The following MAPK4 variants were observed in gnomAD, a reference collection of about 807,000 sequenced individuals.
MAPK4 encodes the protein Erk3-related.
In MAPK4, 22 loss-of-function variants were observed where a neutral mutation model predicts 47.7. The ratio of observed to expected loss-of-function variants is 0.46; its 90% CI spans 0.33 to 0.66. MAPK4 has a LOEUF of 0.66. MAPK4 is among the 30% of genes least tolerant of loss of function. MAPK4 has a pLI of 0.02. For missense variants in MAPK4, 736 were observed against 831.7 expected (o/e 0.88, Z 1.42); for synonymous variants, 390 against 365.7 (o/e 1.07, Z -0.76).
At chr18:50,680,771 T>C (rs1343656001) in intron 2 of MAPK4, among the ~76,000 whole-genome samples, 1 of 152,262 alleles carries the variant, frequency 6.6e-6, no homozygotes, top group Non-Finnish European at 1.5e-5. Flanking sequence ...TTCATTTCTT[T>C]TTATTGCCAA....
chr18:50,729,852 T>C lies in MAPK4; in HGVS notation c.1762T>C (p.Ter588ArgextTer40), dbSNP rs1911457190. 3.1e-6 allele frequency: 5 copies of C among 1,608,662 alleles called. No individual in the cohort carries two copies. The highest frequency in any genetic ancestry group is 1.7e-4 in the Middle Eastern group (1 of 6,036). The change falls in exon 6 of 6, where the codon TGA becomes CGA. Residue 588 changes from the stop codon to arginine (R), a stop_lost. Transcript: ENST00000400384. ...CGAGGCCTTCTCCAAAGAAAGGTGG[T>C]GAGGGCGGAGGGGCCGCTCCAGGCC... ...QTEAFSKERW* is the reference protein window; with the variant it reads ...QTEAFSKERWR
intron 3 of MAPK4, among the ~76,000 whole-genome samples, 164 bp from the exon 4 acceptor site, chr18:50,721,774 T>C (rs2144469953): frequency 6.6e-6 from 1 of 152,340 alleles, no homozygotes; most frequent in East Asian, 1.9e-4. Flanking sequence ...GTCAGCCACC[T>C]GCCCACAGTT....
chr18:50,676,949 T>C (rs1226230425), intron 2 of MAPK4, among the ~76,000 whole-genome samples: 2 of 152,230 alleles, frequency 1.3e-5, no homozygotes, highest in Non-Finnish European at 2.9e-5. Context: ...GGACCAGGAC[T>C]GTCTGTGGCC....
chr18:50,604,819 G>C (rs1457029358), intron 1 of MAPK4, among the ~76,000 whole-genome samples: 1 of 152,236 alleles, frequency 6.6e-6, no homozygotes, highest in Non-Finnish European at 1.5e-5. Context: ...GCCTGGAGCA[G>C]GGGGCTTTGC....
At position 50,702,174 on chromosome 18, in the gene MAPK4, A is replaced by C. The variant is rs938966645; in HGVS notation, c.547-12905A>C. 5.5e-3 allele frequency among the ~76,000 whole-genome samples: 841 copies of C among 151,628 alleles called. 10 individuals are homozygous for C. The highest frequency in any genetic ancestry group is 0.019 in the African/African-American group (804 of 41,342). On this transcript the variant is annotated intron_variant, in intron 2 of 5. Transcript: ENST00000400384. ...GAGATTCTGTCTCAAAAAAAAAAAA[A>C]AAAAAAAAATCAACCATTCTAAAGT...
At chr18:50,719,615 C>A (rs1352569062) in intron 3 of MAPK4, among the ~76,000 whole-genome samples, 1 of 152,154 alleles carries the variant, frequency 6.6e-6, no homozygotes, top group Non-Finnish European at 1.5e-5. Flanking sequence ...GTCATAGGTG[C>A]CTGGCTGCCT....
At chr18:50,653,919 G>A (rs906279820) in intron 1 of MAPK4, among the ~76,000 whole-genome samples, 2 of 152,164 alleles carry the variant, frequency 1.3e-5, no homozygotes, top group Non-Finnish European at 2.9e-5. Context: ...CAAGGCCACC[G>A]ATGCACATGG....
intron 1 of MAPK4, among the ~76,000 whole-genome samples, chr18:50,564,311 G>A (rs1404851531): frequency 6.6e-6 from 1 of 152,224 alleles, no homozygotes. Flanking sequence ...TTATGGGCCA[G>A]ATAATTTTTT....
chr18:50,711,600 C>T (rs1240311827), intron 2 of MAPK4, among the ~76,000 whole-genome samples: 2 of 152,244 alleles, frequency 1.3e-5, no homozygotes, highest in East Asian at 3.9e-4. Flanking sequence ...TGCTGTCCTG[C>T]TCACTCCCTC....
chr18:50,693,995 C>A (rs866474668), intron 2 of MAPK4, among the ~76,000 whole-genome samples: 11 of 152,204 alleles, frequency 7.2e-5, no homozygotes, highest in African/African-American at 2.7e-4. Context: ...AGAGAAGGCT[C>A]ATGCACAGGG....
intron 3 of MAPK4, among the ~76,000 whole-genome samples, chr18:50,715,552 G>A (rs559423789): frequency 6.6e-6 from 1 of 152,274 alleles, no homozygotes; most frequent in East Asian, 1.9e-4. Context: ...CCTTTGGAAG[G>A]TGATTAGGTC....
chr18:50,618,876 A>G (rs2042707098), intron 1 of MAPK4, among the ~76,000 whole-genome samples: 1 of 152,182 alleles, frequency 6.6e-6, no homozygotes, highest in Non-Finnish European at 1.5e-5. Flanking sequence ...TGTGCCCCCG[A>G]GAATACTATC....
At chr18:50,696,930 A>T (rs1400821083) in intron 2 of MAPK4, among the ~76,000 whole-genome samples, 1 of 152,032 alleles carries the variant, frequency 6.6e-6, no homozygotes, top group South Asian at 2.1e-4. Flanking sequence ...GTGGGGCCTG[A>T]AAGAGGCAGG....
intron 2 of MAPK4, among the ~76,000 whole-genome samples, chr18:50,713,565 A>C (rs1187333891): frequency 6.6e-6 from 1 of 152,226 alleles, no homozygotes; most frequent in Non-Finnish European, 1.5e-5. Context: ...GGCTATGCGC[A>C]GTAGCTGCAT....
In MAPK4 at chr18:50,632,616, ATTT is replaced by A. The variant is rs10531891; in HGVS notation, c.-870-30454_-870-30452del. Among the ~76,000 whole-genome samples the A allele has an allele frequency of 5.5e-3, 671 of 122,300 alleles. 6 individuals are homozygous for A. The highest frequency in any genetic ancestry group is 0.018 in the African/African-American group (578 of 31,672). The allele number at this position is 122,300 out of a possible 152,430, so 80.2% of individuals were successfully genotyped here. On this transcript the variant is annotated intron_variant, in intron 1 of 5. Transcript: ENST00000400384. ...AAGGACAGAGACTGAGTCTGGTTTA[ATTT>A]TTTTTTTTTTTTTTTTTTGAGACAG...
At position 50,678,506 on chromosome 18, in the gene MAPK4, G is replaced by A. The variant is rs1216235640; in HGVS notation, c.546+14002G>A. The stretch of plus-strand genomic sequence containing the variant: ...ATCACCCCTCCACCCTGTACAGACT[G>A]GAGAGCGGGCCCTGTCTTCCCAGAG... On this transcript the variant is annotated intron_variant, in intron 2 of 5. Transcript: ENST00000400384. The surrounding 1 kb of genome is among the most constrained non-coding windows in gnomAD (Gnocchi z 4.2). 6.6e-6 allele frequency among the ~76,000 whole-genome samples: 1 copy of A among 152,176 alleles called. No individual in the cohort carries two copies. Among genetic ancestry groups the A allele is most frequent in the Non-Finnish European group, 1.5e-5 (1 of 68,044 alleles).
At chr18:50,677,450 T>G (rs1438400144) in intron 2 of MAPK4, among the ~76,000 whole-genome samples, 1 of 152,136 alleles carries the variant, frequency 6.6e-6, no homozygotes, top group Non-Finnish European at 1.5e-5. Context: ...ATTCGGTTAC[T>G]GAAAGAAAAG....
Position 50,664,186 on chromosome 18 carries a change from C to T in MAPK4, c.228C>T (p.Asn76=), listed in dbSNP as rs758762362. 4.3e-6 allele frequency: 7 copies of T among 1,614,164 alleles called. No homozygotes were observed. Among genetic ancestry groups the T allele is most frequent in the Non-Finnish European group, 5.9e-6 (7 of 1,180,044 alleles). ...IKIIRRLDHD[N]IVKVYEVLGP... The stretch of plus-strand genomic sequence containing the variant: ...TCATTCGGCGCCTGGACCACGACAA[C>T]ATCGTCAAAGTGTACGAGGTGCTCG... Residue 76 remains asparagine, a synonymous_variant, in exon 2 of 6, where the codon AAC becomes AAT. Transcript: ENST00000400384. This position sits in a 1 kb window ranked among gnomAD's most constrained non-coding sequence, Gnocchi z 6.0.
chr18:50,598,938 A>G (rs535301352), intron 1 of MAPK4, among the ~76,000 whole-genome samples: 2 of 152,336 alleles, frequency 1.3e-5, no homozygotes, highest in East Asian at 3.9e-4. Flanking sequence ...CAGGGGATAC[A>G]TGATATCCCC....
Sources: allele counts gnomAD v4.1 joint callset (sites outside exome capture counted in the v4.1 genomes callset), GRCh38; gene constraint gnomAD v4.1.1; non-coding constraint Gnocchi (gnomAD v3.1); transcripts MANE v1.5; gene names NCBI Gene and HGNC (gene_info 2026-07-23, HGNC 2026-07-21).